TTLL7: variants seen among roughly 807,000 people sequenced by gnomAD.
The protein encoded by TTLL7 is tubulin polyglutamylase TTLL7.
TTLL7 carries 53 observed loss-of-function variants against 120.2 expected under a neutral mutation model. The ratio of observed to expected loss-of-function variants is 0.44; its 90% CI spans 0.35 to 0.55. The LOEUF is 0.55. TTLL7 is among the 20% of genes least tolerant of loss of function. The probability of loss-of-function intolerance (pLI) is 0.00; values close to 1 mark genes in which losing one functional copy is unlikely to be tolerated. For missense variants in TTLL7, 803 were observed against 1,054.7 expected (o/e 0.76, Z 3.31); for synonymous variants, 353 against 351.7 (o/e 1.00, Z -0.04).
chr1:83,923,328 G>A (rs1331720608), intron 10 of TTLL7, among the ~76,000 whole-genome samples: 1 of 148,862 alleles, frequency 6.7e-6, no homozygotes, highest in Non-Finnish European at 1.5e-5. Flanking sequence ...AATGAAAAGA[G>A]GAATAGAGAG....
In TTLL7 at chr1:83,865,206, G is replaced by T. The variant is rs1652839149; in HGVS notation, c.*4756C>A. 6.6e-6 allele frequency: 1 copy of T among 151,836 alleles called. No homozygotes were observed. The highest frequency in any genetic ancestry group is 1.5e-5 in the Non-Finnish European group (1 of 67,870). 9.4% of individuals were successfully genotyped at this position (151,836 alleles called of 1,614,324 possible). On this transcript the variant is annotated 3_prime_UTR_variant, in exon 21 of 21. Transcript: ENST00000260505. The stretch of plus-strand genomic sequence containing the variant: ...CATATACAGGTAGTAAAGCACACGG[G>T]GATAATGTGAGTCATGATTCATGTT...
chr1:83,977,132 TCA>T (rs1008828589), intron 1 of TTLL7, among the ~76,000 whole-genome samples: 1 of 152,044 alleles, frequency 6.6e-6, no homozygotes. Flanking sequence ...TTCTGTATTA[TCA>T]CAGTGATCTG....
Position 83,999,110 on chromosome 1 carries a change from G to C in TTLL7, c.-356C>G, listed in dbSNP as rs1177473396. On this transcript the variant is annotated 5_prime_UTR_variant, in exon 1 of 21. Coordinates refer to ENST00000260505, the MANE Select transcript of TTLL7 (RefSeq NM_024686.6). ...GGCAGCCACGGCTCGGGACTCCGGT[G>C]CTCGACGCGGAGTGCCTGGAACAGC... is the stretch of plus-strand genomic sequence containing the variant. 3 of 439,054 alleles carry C rather than the reference G, an allele frequency of 6.8e-6. No homozygotes were observed. In the Admixed American group the frequency reaches 7.3e-5, roughly 11 times the overall value. 27.2% of individuals were successfully genotyped at this position (439,054 alleles called of 1,614,324 possible). A position where few individuals can be genotyped will look rare whatever the true frequency, so the allele number is the denominator to read the frequency against.
chr1:83,954,613 C>G (rs1167487180), intron 1 of TTLL7, among the ~76,000 whole-genome samples: 2 of 152,154 alleles, frequency 1.3e-5, no homozygotes, highest in Non-Finnish European at 2.9e-5. Flanking sequence ...TTTGAAAATC[C>G]TGCTGTCCAG....
chr1:83,870,543 T>C (rs1413239106), intron 20 of TTLL7, among the ~76,000 whole-genome samples: 1 of 152,166 alleles, frequency 6.6e-6, no homozygotes. Flanking sequence ...ATAGAAAAAG[T>C]TAAAGATTAA....
intron 10 of TTLL7, among the ~76,000 whole-genome samples, chr1:83,925,882 G>GA (rs1417400059): frequency 6.6e-6 from 1 of 152,088 alleles, no homozygotes; most frequent in Non-Finnish European, 1.5e-5. Flanking sequence ...AGCACTTTGG[G>GA]AGGCCGAGGC....
intron 18 of TTLL7, among the ~76,000 whole-genome samples, chr1:83,892,162 A>C (rs563870096): frequency 2.1e-4 from 32 of 150,644 alleles, no homozygotes; most frequent in Non-Finnish European, 4.0e-4. Context: ...AAAACAATTA[A>C]GTTTTAAAAA....
chr1:83,908,444 G>C (rs1241481237), intron 15 of TTLL7, among the ~76,000 whole-genome samples: 1 of 152,000 alleles, frequency 6.6e-6, no homozygotes, highest in African/African-American at 2.4e-5. Context: ...AGTCACAAGA[G>C]TAAATAATTT....
At position 83,914,457 on chromosome 1, in the gene TTLL7, G is replaced by A. The variant is rs572980731; in HGVS notation, c.1588-3094C>T. 6.7e-5 allele frequency among the ~76,000 whole-genome samples: 10 copies of A among 148,678 alleles called. No homozygotes were observed. The East Asian group carries it at 1.4e-3, about 21-fold the overall frequency. ...AGCAATTCTCCTGCTTCAGCCTCCCGAGTAGCTGGGACTACAGGCGCATGC... is the reference window on the plus strand; with the variant it reads ...AGCAATTCTCCTGCTTCAGCCTCCCAAGTAGCTGGGACTACAGGCGCATGC... On this transcript the variant is annotated intron_variant, in intron 14 of 20. Coordinates refer to ENST00000260505, the MANE Select transcript of TTLL7 (RefSeq NM_024686.6).
intron 15 of TTLL7, among the ~76,000 whole-genome samples, chr1:83,909,269 C>CTTTTTTTTTTTT (rs71582911): frequency 4.0e-5 from 4 of 99,296 alleles, no homozygotes; most frequent in Admixed American, 1.4e-4. Flanking sequence ...TTTTTTTTTC[C>CTTTTTTTTTTTT]TTTTTTTTTT....
intron 1 of TTLL7, among the ~76,000 whole-genome samples, chr1:83,974,596 A>T (rs1219018524): frequency 1.3e-5 from 2 of 152,002 alleles, no homozygotes; most frequent in Non-Finnish European, 2.9e-5. Flanking sequence ...ATTAAGCCTA[A>T]CAAATTTGGG....
Position 83,907,487 on chromosome 1 carries a change from C to A in TTLL7, c.1961G>T (p.Ser654Ile). The change falls in exon 16 of 21, where the codon AGT becomes ATT. Residue 654 changes from serine (S) to isoleucine (I), a missense_variant. Transcript: ENST00000260505. ...AGAGTTGGTAGAGCAGGCATCATTA[C>A]TGTGAGGCAGATGCCTCATGTAGGA... ...ASSYMRHLPH[S>I]NDACSTNSQV... 1 of 1,612,960 alleles carries A rather than the reference C, an allele frequency of 6.2e-7. No homozygotes were observed. Among genetic ancestry groups the A allele is most frequent in the Non-Finnish European group, 8.5e-7 (1 of 1,179,302 alleles).
chr1:83,975,006 T>C (rs1651333614), intron 1 of TTLL7, among the ~76,000 whole-genome samples: 1 of 152,088 alleles, frequency 6.6e-6, no homozygotes. Flanking sequence ...ATATGCTAAT[T>C]CATTACTTGA....
At chr1:83,991,932 A>T (rs1653040666) in intron 1 of TTLL7, among the ~76,000 whole-genome samples, 4 of 152,112 alleles carry the variant, frequency 2.6e-5, no homozygotes, top group Admixed American at 1.3e-4. Context: ...CTAAAAACAA[A>T]ATTCACAGAT....
At chr1:83,892,120 C>A (rs1190845718) in intron 18 of TTLL7, among the ~76,000 whole-genome samples, 1 of 151,300 alleles carries the variant, frequency 6.6e-6, no homozygotes, top group Admixed American at 6.6e-5. Context: ...TGCGTCATCA[C>A]CCCTGGCCAT....
intron 16 of TTLL7, 90 bp downstream of exon 16, chr1:83,907,366 T>C (rs1657279009): frequency 8.7e-7 from 1 of 1,145,684 alleles, no homozygotes; most frequent in Non-Finnish European, 1.3e-6. Flanking sequence ...GGAAAGGATC[T>C]GAGGTTCAGT....
rs1653232673 is a variant in TTLL7 at position 83,993,927 on chromosome 1, G to A, written c.-177+5004C>T. 2.6e-5 allele frequency among the ~76,000 whole-genome samples: 4 copies of A among 152,188 alleles called. No individual in the cohort carries two copies. The South Asian group carries it at 8.3e-4, about 31-fold the overall frequency. ...GTGGAGAATACTCAAGCTTATTTAA[G>A]TTTAACTTTTCTACTTTAACTTAAC... On this transcript the variant is annotated intron_variant, in intron 1 of 20. Coordinates refer to ENST00000260505, the MANE Select transcript of TTLL7 (RefSeq NM_024686.6).
intron 18 of TTLL7, among the ~76,000 whole-genome samples, chr1:83,898,191 AACAG>A (rs925055845): frequency 9.2e-5 from 14 of 152,080 alleles, no homozygotes; most frequent in African/African-American, 1.7e-4. Context: ...GTTATAGGCC[AACAG>A]ACAATTTTTA....
intron 19 of TTLL7, among the ~76,000 whole-genome samples, chr1:83,886,624 A>G (rs547061788): frequency 3.9e-5 from 6 of 152,190 alleles, no homozygotes; most frequent in Admixed American, 6.6e-5. Flanking sequence ...AAGCTTTTAC[A>G]TGACAAACCC....
Sources: gnomAD v4.1 joint callset for allele counts (sites outside exome capture counted in the v4.1 genomes callset) on GRCh38, gnomAD v4.1.1 for gene constraint, MANE v1.5 for transcripts, NCBI Gene and HGNC (gene_info 2026-07-23, HGNC 2026-07-21) for gene names.